The following MYCBP2 variants were observed in gnomAD, a reference collection of about 807,000 sequenced individuals.
The protein encoded by MYCBP2 is MYC binding protein 2, also known as E3 ubiquitin-protein ligase MYCBP2.
In MYCBP2, 120 loss-of-function variants were observed where a neutral mutation model predicts 525.3. That is an observed-to-expected ratio of 0.23 (90% confidence interval 0.20 to 0.27). MYCBP2 has a LOEUF of 0.27. Among genes scored for constraint, MYCBP2 ranks in the 10% least tolerant of loss-of-function variants. MYCBP2 has a pLI of 1.00. For synonymous variants in MYCBP2, 1,894 were observed against 1,955.8 expected, an observed-to-expected ratio of 0.97 and a Z score of 0.83; for missense variants, 4,149 against 5,657.1, an observed-to-expected ratio of 0.73 and a Z score of 8.55.
intron 1 of MYCBP2, among the ~76,000 whole-genome samples, chr13:77,312,541 G>A (rs1414170915): frequency 6.6e-6 from 1 of 151,876 alleles, no homozygotes; most frequent in Non-Finnish European, 1.5e-5. Context: ...CCTGTAAAAA[G>A]TTAGGTATGC....
In MYCBP2 at chr13:77,096,382, G is replaced by C; in HGVS notation, c.9884C>G (p.Thr3295Ser). The change falls in exon 57 of 83, where the codon ACT becomes AGT. Residue 3295 changes from threonine to serine, a missense_variant. Transcript: ENST00000544440. Reference sequence around the variant, plus strand: ...ACAGCGATCACATACCAGATACCAAGTGCTTCCTCCTATGCCACCATCACC... The same window carrying C: ...ACAGCGATCACATACCAGATACCAACTGCTTCCTCCTATGCCACCATCACC... Reference protein sequence around the residue: ...NCGDGGIGGSTWYLVCDRCRE... With the variant: ...NCGDGGIGGSSWYLVCDRCRE... 6.2e-7 allele frequency: 1 copy of C among 1,613,400 alleles called. No individual in the cohort carries two copies.
At chr13:77,237,263 G>A (rs938939510) in intron 17 of MYCBP2, among the ~76,000 whole-genome samples, 5 of 152,074 alleles carry the variant, frequency 3.3e-5, no homozygotes, top group Non-Finnish European at 7.4e-5. Flanking sequence ...TGTTCTTCTT[G>A]TATTGTAAAA....
chr13:77,196,898 G>A (rs2061816178), intron 26 of MYCBP2, among the ~76,000 whole-genome samples: 1 of 152,188 alleles, frequency 6.6e-6, no homozygotes, highest in African/African-American at 2.4e-5. Flanking sequence ...CCACTATGAG[G>A]AAGAGAATAC....
rs2285383 is a variant in MYCBP2, at chr13:77,051,549, T to G, written c.13755+262A>C. ...GAAAACCTAAAAGTTTCACTGCACGTTTAAGAAACTAAGAAAATAAGAAAA... is the reference window on the plus strand; with the variant it reads ...GAAAACCTAAAAGTTTCACTGCACGGTTAAGAAACTAAGAAAATAAGAAAA... On this transcript the variant is annotated intron_variant, in intron 81 of 82. Transcript: ENST00000544440. Among the ~76,000 whole-genome samples the G allele has an allele frequency of 6.6e-3, 999 of 152,294 alleles. 9 individuals carry two copies. The highest frequency in any genetic ancestry group is 0.052 in the East Asian group (268 of 5,184).
chr13:77,254,534 T>C (rs2071815009), intron 14 of MYCBP2, among the ~76,000 whole-genome samples: 1 of 151,966 alleles, frequency 6.6e-6, no homozygotes, highest in African/African-American at 2.4e-5. Flanking sequence ...TTATGGCATA[T>C]ATGTGAGTTT....
At chr13:77,139,816 A>G (rs915857991) in intron 51 of MYCBP2, among the ~76,000 whole-genome samples, 1 of 152,238 alleles carries the variant, frequency 6.6e-6, no homozygotes, top group African/African-American at 2.4e-5. Context: ...TCTGAATACT[A>G]TGTCGAACAT....
chr13:77,133,195 C>T (rs2053200111), intron 52 of MYCBP2, among the ~76,000 whole-genome samples: 1 of 152,174 alleles, frequency 6.6e-6, no homozygotes, highest in Non-Finnish European at 1.5e-5. Flanking sequence ...CCAATACCAG[C>T]TCCACTACTT....
chr13:77,148,121 C>CT (rs927505829), intron 47 of MYCBP2, among the ~76,000 whole-genome samples: 50 of 144,978 alleles, frequency 3.4e-4, no homozygotes, highest in Middle Eastern at 3.5e-3. Context: ...TTTAGCCTTG[C>CT]TTTTTTTTTT....
intron 32 of MYCBP2, among the ~76,000 whole-genome samples, chr13:77,183,031 C>T (rs2060356630): frequency 6.6e-6 from 1 of 152,070 alleles, no homozygotes; most frequent in Admixed American, 6.6e-5. Flanking sequence ...CATCAATTTG[C>T]CTTCTTTTTT....
At chr13:77,282,310 T>C (rs1052155859) in intron 3 of MYCBP2, among the ~76,000 whole-genome samples, 5 of 151,512 alleles carry the variant, frequency 3.3e-5, no homozygotes, top group African/African-American at 7.3e-5. Flanking sequence ...CTTGGGAGGC[T>C]GAGGCAGGAG....
chr13:77,077,017 T>TTC, intron 67 of MYCBP2, 131 bp downstream of exon 67: 1 of 1,288,714 alleles, frequency 7.8e-7, no homozygotes, highest in Non-Finnish European at 1.1e-6. Flanking sequence ...TGTTTAGGGC[T>TTC]ATGAAAAGAA....
intron 5 of MYCBP2, 140 bp from the exon 6 acceptor site, chr13:77,270,678 C>A: frequency 1.1e-6 from 1 of 898,738 alleles, no homozygotes; most frequent in Non-Finnish European, 1.6e-6. Flanking sequence ...CAAAAAGTAC[C>A]AACTAAAAGT....
At chr13:77,125,279 T>C (rs1363584650) in intron 54 of MYCBP2, 57 bp downstream of exon 54, 1 of 1,600,744 alleles carries the variant, frequency 6.2e-7, no homozygotes, top group African/African-American at 1.3e-5. Flanking sequence ...CAATAGGCAT[T>C]AAACTTCTGT....
chr13:77,076,867 G>GT lies in MYCBP2; in HGVS notation c.11725-19dup, dbSNP rs1380032439. ...CCAAATACCTGATGAAGATATGCAT[G>GT]TGAGAAGGAATTAATGACAGGCATT... On this transcript the variant is annotated intron_variant, in intron 67 of 82. Coordinates refer to ENST00000544440, the MANE Select transcript of MYCBP2 (RefSeq NM_015057.5). 1 of 1,556,768 alleles carries GT rather than the reference G, an allele frequency of 6.4e-7. No homozygotes were observed. The highest frequency in any genetic ancestry group is 8.8e-7 in the Non-Finnish European group (1 of 1,131,174).
intron 58 of MYCBP2, among the ~76,000 whole-genome samples, chr13:77,094,473 T>G (rs995130047): frequency 1.3e-5 from 2 of 152,206 alleles, no homozygotes; most frequent in South Asian, 2.1e-4. Flanking sequence ...TTTAAAATTC[T>G]TCCACTGTTT....
chr13:77,260,940 C>CT lies in MYCBP2; in HGVS notation c.1852+230dup, dbSNP rs1162154410. Among the ~76,000 whole-genome samples, 3 of 152,014 alleles carry CT rather than the reference C, an allele frequency of 2.0e-5. No individual in the cohort carries two copies. The East Asian group carries it at 5.8e-4, about 29-fold the overall frequency. ...TCTACTAACACATATCTAAAATCTC[C>CT]TTTTTTTCCCAAGTTGTAATTCACA... On this transcript the variant is annotated intron_variant, in intron 12 of 82. Coordinates refer to ENST00000544440, the MANE Select transcript of MYCBP2 (RefSeq NM_015057.5).
chr13:77,189,866 T>C (rs572441955), intron 29 of MYCBP2, among the ~76,000 whole-genome samples: 130 of 152,142 alleles, frequency 8.5e-4, no homozygotes, highest in Non-Finnish European at 1.6e-3. Flanking sequence ...GACTACAATA[T>C]ATCAACCAGG....
intron 52 of MYCBP2, among the ~76,000 whole-genome samples, chr13:77,133,756 C>T (rs916597900): frequency 2.6e-5 from 4 of 152,180 alleles, no homozygotes; most frequent in African/African-American, 9.7e-5. Flanking sequence ...TAACTCTGAA[C>T]ATTTGATTCT....
chr13:77,187,916 C>A (rs892393632), intron 30 of MYCBP2, among the ~76,000 whole-genome samples: 10 of 151,866 alleles, frequency 6.6e-5, no homozygotes, highest in Non-Finnish European at 1.2e-4. Context: ...ACTAAAAATA[C>A]AAAAATTAGC....
Sources: allele counts gnomAD v4.1 joint callset (sites outside exome capture counted in the v4.1 genomes callset), GRCh38; gene constraint gnomAD v4.1.1; transcripts MANE v1.5; gene names NCBI Gene and HGNC (gene_info 2026-07-23, HGNC 2026-07-21).